TRPC7: variants seen among roughly 807,000 people sequenced by gnomAD.
TRPC7 encodes short transient receptor potential channel 7.
TRPC7 carries 42 observed loss-of-function variants against 90.1 expected under a neutral mutation model. The observed-to-expected ratio is 0.47, with a 90% CI of 0.36 to 0.60. TRPC7 has a LOEUF of 0.60. Ranked by LOEUF, TRPC7 falls within the 20% of genes least tolerant of loss-of-function variation. The pLI is 0.00. For missense variants in TRPC7, 955 were observed against 1,112.3 expected (o/e 0.86, Z 2.01); for synonymous variants, 451 against 436.3 (o/e 1.03, Z -0.42).
chr5:136,294,186 C>T (rs1457572605), intron 3 of TRPC7, among the ~76,000 whole-genome samples: 1 of 152,150 alleles, frequency 6.6e-6, no homozygotes, highest in East Asian at 1.9e-4. Context: ...ACCATAAAAA[C>T]CCTAGAAGAA....
rs1756372966 is a variant in TRPC7 at position 136,247,326 on chromosome 5, C to G, written c.1844+145G>C. 2.2e-6 allele frequency: 2 copies of G among 896,652 alleles called. No homozygotes were observed. Among genetic ancestry groups the G allele is most frequent in the Non-Finnish European group, 3.3e-6 (2 of 611,200 alleles). The allele number at this position is 896,652 out of a possible 1,614,324, so 55.5% of individuals were successfully genotyped here. A position where few individuals can be genotyped will look rare whatever the true frequency, so the allele number is the denominator to read the frequency against. Reference sequence around the variant, plus strand: ...TCTGTTCAACTCCAGAACCTGAACTCTAAACCACCCTTGAATAAAGTTGCC... The same window carrying G: ...TCTGTTCAACTCCAGAACCTGAACTGTAAACCACCCTTGAATAAAGTTGCC... On this transcript the variant is annotated intron_variant, in intron 7 of 11. Transcript: ENST00000513104. The surrounding 1 kb of genome is among the most constrained non-coding windows in gnomAD (Gnocchi z 4.2).
At chr5:136,294,521 C>G (rs1331037568) in intron 3 of TRPC7, among the ~76,000 whole-genome samples, 2 of 151,842 alleles carry the variant, frequency 1.3e-5, no homozygotes, top group Non-Finnish European at 2.9e-5. Flanking sequence ...TTTATGCAGC[C>G]AAAAAACACA....
chr5:136,315,891 A>G, intron 2 of TRPC7, 112 bp from the exon 3 acceptor site: 1 of 1,053,458 alleles, frequency 9.5e-7, no homozygotes, highest in South Asian at 1.6e-5. Flanking sequence ...CTTATGGAGC[A>G]CATTGGATGC....
chr5:136,291,992 T>C (rs1757975353), intron 3 of TRPC7, among the ~76,000 whole-genome samples: 6 of 151,628 alleles, frequency 4.0e-5, no homozygotes, highest in Non-Finnish European at 5.9e-5. Flanking sequence ...AGAAACTCAC[T>C]CAAAACCGCT....
intron 2 of TRPC7, among the ~76,000 whole-genome samples, chr5:136,327,088 A>T (rs959058451): frequency 1.7e-4 from 26 of 152,118 alleles, no homozygotes; most frequent in African/African-American, 5.3e-4. Flanking sequence ...TAAGGTACAG[A>T]GGAGGTTAAG....
chr5:136,287,885 G>A (rs947100213), intron 3 of TRPC7, among the ~76,000 whole-genome samples: 13 of 152,108 alleles, frequency 8.5e-5, no homozygotes, highest in South Asian at 2.1e-4. Flanking sequence ...CTTCAGGGCC[G>A]TGGTACAACA....
chr5:136,215,096 T>C (rs1245957548), intron 11 of TRPC7, among the ~76,000 whole-genome samples: 4 of 152,114 alleles, frequency 2.6e-5, no homozygotes, highest in Non-Finnish European at 5.9e-5. Flanking sequence ...ATCTGTAGTT[T>C]TAACAGCTAG....
Position 136,356,737 on chromosome 5 carries a change from CG to C in TRPC7, c.650del (p.Ser217CysfsTer3). On this transcript the variant is annotated frameshift_variant, in exon 2 of 12. Coordinates refer to ENST00000513104, the MANE Select transcript of TRPC7 (RefSeq NM_020389.3). LOFTEE classifies it high-confidence loss of function. Reference protein sequence around the residue: ...QRKDSFSHSRSRMNAYKGLAS... With the variant: ...QRKDSFSHSRXRMNAYKGLAS... Reference sequence around the variant, plus strand: ...CCAGTCCTTTGTAGGCGTTCATGCGCGAGCGCGAGTGGCTGAAGGAGTCTTT... The same window carrying C: ...CCAGTCCTTTGTAGGCGTTCATGCGCAGCGCGAGTGGCTGAAGGAGTCTTT... 4 of 1,612,426 alleles carry C rather than the reference CG, an allele frequency of 2.5e-6. No individual in the cohort carries two copies. Among genetic ancestry groups the C allele is most frequent in the Non-Finnish European group, 3.4e-6 (4 of 1,179,004 alleles).
chr5:136,290,618 C>T (rs1160093757), intron 3 of TRPC7, among the ~76,000 whole-genome samples: 1 of 152,160 alleles, frequency 6.6e-6, no homozygotes. Flanking sequence ...ATGAACAAAG[C>T]CTCCAAGAAA....
At chr5:136,265,929 G>A (rs920546583) in intron 5 of TRPC7, among the ~76,000 whole-genome samples, 2 of 152,048 alleles carry the variant, frequency 1.3e-5, no homozygotes, top group African/African-American at 2.4e-5. Flanking sequence ...AAAATAATAT[G>A]TTTCCCCATG....
chr5:136,326,739 A>G (rs1488873794), intron 2 of TRPC7, among the ~76,000 whole-genome samples: 1 of 152,146 alleles, frequency 6.6e-6, no homozygotes, highest in Non-Finnish European at 1.5e-5. Context: ...AGAGAATTAT[A>G]TTTTACCAGG....
chr5:136,329,131 C>A (rs1759424811), intron 2 of TRPC7, among the ~76,000 whole-genome samples: 1 of 152,138 alleles, frequency 6.6e-6, no homozygotes, highest in Non-Finnish European at 1.5e-5. Context: ...ATTGACATGG[C>A]ATTTGTGAAA....
chr5:136,308,097 T>A (rs1210341011), intron 3 of TRPC7, among the ~76,000 whole-genome samples: 1 of 152,124 alleles, frequency 6.6e-6, no homozygotes, highest in East Asian at 1.9e-4. Flanking sequence ...ATTTTCCTTC[T>A]CCTGGGAGTT....
chr5:136,233,529 T>C (rs2149798015), intron 7 of TRPC7, among the ~76,000 whole-genome samples: 1 of 152,194 alleles, frequency 6.6e-6, no homozygotes, highest in East Asian at 1.9e-4. Context: ...AATTCCAAAC[T>C]GGAAGGAGAC....
chr5:136,303,549 C>A (rs1269763435), intron 3 of TRPC7, among the ~76,000 whole-genome samples: 5 of 152,168 alleles, frequency 3.3e-5, no homozygotes, highest in African/African-American at 1.2e-4. Flanking sequence ...AGTGGCCAGG[C>A]ATTCCTCCAG....
chr5:136,238,096 G>T (rs1364038730), intron 7 of TRPC7, among the ~76,000 whole-genome samples: 1 of 152,092 alleles, frequency 6.6e-6, no homozygotes, highest in African/African-American at 2.4e-5. Context: ...CTCTGTACCT[G>T]GCTGCTCCTC....
At chr5:136,290,394 A>G (rs1276918301) in intron 3 of TRPC7, among the ~76,000 whole-genome samples, 1 of 152,232 alleles carries the variant, frequency 6.6e-6, no homozygotes, top group Non-Finnish European at 1.5e-5. Context: ...AAACTTTGAA[A>G]AAAAATCAGA....
At chr5:136,317,573 G>A (rs1759060729) in intron 2 of TRPC7, among the ~76,000 whole-genome samples, 1 of 152,128 alleles carries the variant, frequency 6.6e-6, no homozygotes, top group African/African-American at 2.4e-5. Flanking sequence ...CTCACCACAT[G>A]GACCCATTCA....
chr5:136,268,664 TAGA>T (rs567158544), intron 4 of TRPC7, among the ~76,000 whole-genome samples: 43 of 152,348 alleles, frequency 2.8e-4, no homozygotes, highest in African/African-American at 9.1e-4. Context: ...TGTTATCTTC[TAGA>T]AGAAGATGAA....
Sources: allele counts gnomAD v4.1 joint callset (sites outside exome capture counted in the v4.1 genomes callset), GRCh38; gene constraint gnomAD v4.1.1; non-coding constraint Gnocchi (gnomAD v3.1); transcripts MANE v1.5; gene names NCBI Gene and HGNC (gene_info 2026-07-23, HGNC 2026-07-21).